The following HEATR5B variants were observed in gnomAD, a reference collection of about 807,000 sequenced individuals.
The protein encoded by HEATR5B is HEAT repeat containing 5B.
In HEATR5B, 156 loss-of-function variants were observed where a neutral mutation model predicts 224.1. That is an observed-to-expected ratio of 0.70 (90% CI 0.61 to 0.80). The LOEUF is 0.80. HEATR5B is among the 30% of genes least tolerant of loss of function. The pLI, the probability that HEATR5B is intolerant of heterozygous loss-of-function variation, is 0.00. For missense variants in HEATR5B, 2,323 were observed against 2,535.5 expected, an observed-to-expected ratio of 0.92 and a Z score of 1.80; for synonymous variants, 1,027 against 893.0, an observed-to-expected ratio of 1.15 and a Z score of -2.68.
rs578147370 is a variant in HEATR5B at position 37,054,534 on chromosome 2, G to C, written c.2400-927C>G. Among the ~76,000 whole-genome samples the C allele has an allele frequency of 1.5e-3, 211 of 141,540 alleles. 1 individual carries two copies. Among genetic ancestry groups the C allele is most frequent in the Non-Finnish European group, 2.6e-3 (170 of 66,624 alleles). The allele number at this position is 141,540 out of a possible 152,430, so 92.9% of individuals were successfully genotyped here. ...AGTTTCGCTCTTGTTGCCCAGGCTG[G>C]AGTGCAATGGTGCAATCTTGCCTCC... On this transcript the variant is annotated intron_variant, in intron 16 of 35. Transcript: ENST00000233099.
intron 27 of HEATR5B, among the ~76,000 whole-genome samples, chr2:37,009,533 T>C (rs1667655619): frequency 6.6e-6 from 1 of 151,792 alleles, no homozygotes; most frequent in African/African-American, 2.4e-5. Context: ...GCTATGATCG[T>C]GCCACTGCAT....
chr2:37,023,586 T>C (rs747042140), intron 24 of HEATR5B, among the ~76,000 whole-genome samples: 2 of 152,036 alleles, frequency 1.3e-5, no homozygotes, highest in Admixed American at 6.6e-5. Flanking sequence ...CTGGCCAACA[T>C]GGTGAAACCT....
In HEATR5B at chr2:36,992,817, T is replaced by C. The variant is rs984182519; in HGVS notation, c.5546-2018A>G. Among the ~76,000 whole-genome samples, 7 of 152,166 alleles carry C rather than the reference T, an allele frequency of 4.6e-5. 1 individual carries two copies. Among genetic ancestry groups the C allele is most frequent in the South Asian group, 4.1e-4 (2 of 4,820 alleles). On this transcript the variant is annotated intron_variant, in intron 33 of 35. Coordinates refer to ENST00000233099, the MANE Select transcript of HEATR5B (RefSeq NM_019024.3). ...ATAACTCACTGCAGCCTTGAACTCCTGGGCTCAAGCAACCCTCCCACCTCA... is the reference window on the plus strand; with the variant it reads ...ATAACTCACTGCAGCCTTGAACTCCCGGGCTCAAGCAACCCTCCCACCTCA...
intron 35 of HEATR5B, among the ~76,000 whole-genome samples, chr2:36,984,237 T>TATATATAA (rs1217602304): frequency 7.1e-5 from 8 of 112,028 alleles, no homozygotes; most frequent in South Asian, 3.5e-4. Context: ...TATATATATA[T>TATATATAA]AAAACTGGAA....
At chr2:37,043,150 G>A (rs1669981759) in intron 18 of HEATR5B, among the ~76,000 whole-genome samples, 1 of 152,188 alleles carries the variant, frequency 6.6e-6, no homozygotes, top group Non-Finnish European at 1.5e-5. Flanking sequence ...CAAATCAGCT[G>A]CGGACAAGGC....
intron 15 of HEATR5B, 51 bp from the exon 16 acceptor site, chr2:37,056,666 C>T (rs1670930687): frequency 6.9e-7 from 1 of 1,455,074 alleles, no homozygotes; most frequent in South Asian, 1.3e-5. Flanking sequence ...AGGAAATCTA[C>T]TTATTAAACA....
chr2:37,014,697 G>A (rs1279177675), intron 26 of HEATR5B, among the ~76,000 whole-genome samples: 4 of 150,588 alleles, frequency 2.7e-5, no homozygotes, highest in African/African-American at 9.7e-5. Flanking sequence ...AAAAAAAAGA[G>A]GCTGGGCGCA....
chr2:36,992,735 AATT>A (rs1289452512), intron 33 of HEATR5B, among the ~76,000 whole-genome samples: 1 of 152,116 alleles, frequency 6.6e-6, no homozygotes, highest in Non-Finnish European at 1.5e-5. Flanking sequence ...ATTTTTTAAA[AATT>A]ATTTTTTTTT....
At chr2:37,043,978 G>A (rs773383762) in intron 18 of HEATR5B, among the ~76,000 whole-genome samples, 4 of 152,156 alleles carry the variant, frequency 2.6e-5, no homozygotes, top group Non-Finnish European at 5.9e-5. Flanking sequence ...CTGGCCTCAA[G>A]TGATCCTCCT....
chr2:37,059,369 AAATAT>A (rs1389620462), intron 12 of HEATR5B, among the ~76,000 whole-genome samples: 1 of 145,498 alleles, frequency 6.9e-6, no homozygotes, highest in East Asian at 2.0e-4. Flanking sequence ...TACATATATT[AAATAT>A]ATTTTTGCAA....
chr2:36,982,433 C>G (rs1480775498), intron 35 of HEATR5B, among the ~76,000 whole-genome samples: 1 of 152,176 alleles, frequency 6.6e-6, no homozygotes. Flanking sequence ...ATATTAACAA[C>G]TCCATCCTGG....
chr2:37,032,532 C>T, intron 22 of HEATR5B, 97 bp downstream of exon 22: 1 of 953,140 alleles, frequency 1.0e-6, no homozygotes, highest in Non-Finnish European at 1.6e-6. Context: ...GACATCTGGC[C>T]ACATTGCAAC....
intron 26 of HEATR5B, among the ~76,000 whole-genome samples, chr2:37,019,089 C>T (rs1043690605): frequency 3.1e-4 from 47 of 151,476 alleles, no homozygotes; most frequent in African/African-American, 9.7e-4. Context: ...ACCCGGGAGG[C>T]GGAGGTTACA....
At chr2:37,026,397 T>C (rs538977057) in intron 24 of HEATR5B, among the ~76,000 whole-genome samples, 6 of 152,342 alleles carry the variant, frequency 3.9e-5, no homozygotes, top group African/African-American at 1.2e-4. Context: ...GCATTTGTTA[T>C]AGCAGCAATA....
At chr2:37,014,552 T>C (rs1024139213) in intron 26 of HEATR5B, among the ~76,000 whole-genome samples, 4 of 152,056 alleles carry the variant, frequency 2.6e-5, no homozygotes, top group African/African-American at 7.2e-5. Flanking sequence ...GTTTCCACCG[T>C]GTACTTTAAC....
In HEATR5B at chr2:37,070,215, A is replaced by G. The variant is rs1671825989; in HGVS notation, c.927+15T>C. The G allele has an allele frequency of 6.2e-7, 1 of 1,613,722 alleles. No individual in the cohort carries two copies. Among genetic ancestry groups the G allele is most frequent in the Non-Finnish European group, 8.5e-7 (1 of 1,179,748 alleles). On this transcript the variant is annotated intron_variant, in intron 7 of 35. Coordinates refer to ENST00000233099, the MANE Select transcript of HEATR5B (RefSeq NM_019024.3). ...GTGCCTGGCCAAAATTCTTTCACAC[A>G]TACGTGTTACAAACCTGCGTAACTC...
intron 21 of HEATR5B, among the ~76,000 whole-genome samples, chr2:37,034,409 C>A (rs1390527791): frequency 2.4e-4 from 34 of 140,874 alleles, no homozygotes; most frequent in Admixed American, 1.6e-3. Flanking sequence ...GTCAGGAGAT[C>A]GAGACCATCC....
In HEATR5B at chr2:37,027,979, T is replaced by A. The variant is rs1017624122; in HGVS notation, c.3797A>T (p.Asp1266Val). The change falls in exon 24 of 36, where the codon GAC becomes GTC. Residue 1266 changes from aspartate to valine, a missense_variant. Physicochemically the swap from Asp to Val is radical, Grantham distance 152 (BLOSUM62 -3). Coordinates refer to ENST00000233099, the MANE Select transcript of HEATR5B (RefSeq NM_019024.3). Reference sequence around the variant, plus strand: ...CAAGGCAAGATCAAAGTGAGCCTGGTCTGCATTCTCACACAAATTGATGAT... The same window carrying A: ...CAAGGCAAGATCAAAGTGAGCCTGGACTGCATTCTCACACAAATTGATGAT... ...CRIINLCENA[D>V]QAHFDLALAR... The A allele has an allele frequency of 1.9e-6, 3 of 1,614,084 alleles. No homozygotes were observed. Among genetic ancestry groups the A allele is most frequent in the Non-Finnish European group, 2.5e-6 (3 of 1,180,008 alleles).
chr2:37,004,425 T>C (rs895309873), intron 30 of HEATR5B, among the ~76,000 whole-genome samples: 3 of 151,328 alleles, frequency 2.0e-5, no homozygotes, highest in African/African-American at 7.3e-5. Flanking sequence ...TGCTCAAGTC[T>C]TTCTTATCAC....
Sources: allele counts gnomAD v4.1 joint callset (sites outside exome capture counted in the v4.1 genomes callset), GRCh38; gene constraint gnomAD v4.1.1; transcripts MANE v1.5; gene names NCBI Gene and HGNC (gene_info 2026-07-23, HGNC 2026-07-21).